The following EHD4 variants were observed in gnomAD, a reference collection of about 807,000 sequenced individuals.
EHD4 encodes EH domain containing 4.
In EHD4, 37 loss-of-function variants were observed where a neutral mutation model predicts 51.0. The ratio of observed to expected loss-of-function variants is 0.73; its 90% CI spans 0.56 to 0.95. EHD4 has a LOEUF of 0.95. EHD4 is among the 40% of genes least tolerant of loss of function. EHD4 has a pLI of 0.00. For synonymous variants in EHD4, 297 were observed against 317.3 expected, an observed-to-expected ratio of 0.94 and a Z score of 0.68; for missense variants, 632 against 733.1, an observed-to-expected ratio of 0.86 and a Z score of 1.59.
chr15:41,921,601 T>C (rs1358703946), intron 3 of EHD4: 2 of 152,216 alleles, frequency 1.3e-5, no homozygotes, highest in African/African-American at 4.8e-5. Flanking sequence ...TGGACCTGCA[T>C]GGGGACTTGC....
intron 2 of EHD4, among the ~76,000 whole-genome samples, chr15:41,951,546 C>A (rs1566825954): frequency 6.6e-6 from 1 of 152,080 alleles, no homozygotes; most frequent in Non-Finnish European, 1.5e-5. Flanking sequence ...CCTGGTTTCT[C>A]CCTTGTGAAT....
At chr15:41,917,096 C>CTTATTTATTTATTTAT (rs56087855) in intron 4 of EHD4, among the ~76,000 whole-genome samples, 141 of 141,880 alleles carry the variant, frequency 9.9e-4, no homozygotes, top group Non-Finnish European at 1.4e-3. Flanking sequence ...CTTTCTGCTC[C>CTTATTTATTTATTTAT]TTATTTATTT....
chr15:41,949,013 A>G, intron 2 of EHD4, among the ~76,000 whole-genome samples: 1 of 85,028 alleles, frequency 1.2e-5, no homozygotes, highest in African/African-American at 4.1e-5. Flanking sequence ...CAACAGAGTG[A>G]GACTATATAT....
At chr15:41,932,894 G>A (rs889612464) in intron 3 of EHD4, among the ~76,000 whole-genome samples, 7 of 152,216 alleles carry the variant, frequency 4.6e-5, no homozygotes, top group African/African-American at 1.7e-4. Flanking sequence ...GCTTGGCCGA[G>A]AGGGCCCTCT....
At chr15:41,949,899 GA>G (rs1270736817) in intron 2 of EHD4, among the ~76,000 whole-genome samples, 1 of 152,154 alleles carries the variant, frequency 6.6e-6, no homozygotes, top group Non-Finnish European at 1.5e-5. Context: ...CGTCTCAGAG[GA>G]TCCAATGCTC....
intron 5 of EHD4, among the ~76,000 whole-genome samples, chr15:41,902,828 T>C (rs2067486662): frequency 8.8e-6 from 1 of 113,716 alleles, no homozygotes; most frequent in Non-Finnish European, 1.9e-5. Context: ...TGTATGTATA[T>C]ATATACATAT....
chr15:41,943,185 G>A (rs923062672), intron 2 of EHD4, 21 bp from the exon 3 acceptor site: 2 of 1,557,826 alleles, frequency 1.3e-6, no homozygotes, highest in Admixed American at 1.9e-5. Context: ...CGGATCAAAG[G>A]AGGGGTCAGA....
rs949940093 is a variant in EHD4, at chr15:41,931,727, A to C, written c.511+11340T>G. Among the ~76,000 whole-genome samples the C allele has an allele frequency of 2.0e-4, 30 of 150,144 alleles. 1 individual carries two copies. Among genetic ancestry groups the C allele is most frequent in the Admixed American group, 2.0e-3 (30 of 15,070 alleles). ...AGTCTAGCTCTGTCACCCAGGCTGGAATGCAGTGGCGCAATCTCAGCTCAC... is the reference window on the plus strand; with the variant it reads ...AGTCTAGCTCTGTCACCCAGGCTGGCATGCAGTGGCGCAATCTCAGCTCAC... On this transcript the variant is annotated intron_variant, in intron 3 of 5. Coordinates refer to ENST00000220325, the MANE Select transcript of EHD4 (RefSeq NM_139265.4).
intron 4 of EHD4, among the ~76,000 whole-genome samples, chr15:41,913,263 C>T (rs1053222198): frequency 6.6e-6 from 1 of 152,244 alleles, no homozygotes; most frequent in Non-Finnish European, 1.5e-5. Flanking sequence ...CCAGAGATCA[C>T]TCCTGCAATT....
At chr15:41,951,776 G>C (rs1186003398) in intron 2 of EHD4, among the ~76,000 whole-genome samples, 1 of 152,210 alleles carries the variant, frequency 6.6e-6, no homozygotes, top group Non-Finnish European at 1.5e-5. Flanking sequence ...GAGATCTGGA[G>C]AGTTGACCCT....
At chr15:41,952,768 T>C (rs1487100382) in intron 2 of EHD4, among the ~76,000 whole-genome samples, 3 of 151,976 alleles carry the variant, frequency 2.0e-5, no homozygotes, top group African/African-American at 4.8e-5. Flanking sequence ...GGCGGGTGGA[T>C]CACCTGAGGT....
intron 2 of EHD4, among the ~76,000 whole-genome samples, chr15:41,944,680 G>A (rs1351215529): frequency 6.6e-6 from 1 of 152,184 alleles, no homozygotes; most frequent in Non-Finnish European, 1.5e-5. Context: ...CCTTTTGCAG[G>A]TGGAAAAGTT....
At chr15:41,934,604 TG>T (rs1398349892) in intron 3 of EHD4, among the ~76,000 whole-genome samples, 2 of 152,160 alleles carry the variant, frequency 1.3e-5, no homozygotes, top group African/African-American at 4.8e-5. Flanking sequence ...TGAGCCCCTC[TG>T]CCTGGCTGAA....
intron 4 of EHD4, among the ~76,000 whole-genome samples, chr15:41,914,635 T>G (rs1006911274): frequency 1.3e-5 from 2 of 152,004 alleles, no homozygotes; most frequent in African/African-American, 4.8e-5. Context: ...ACATCCACAG[T>G]AGCTCAGGGC....
intron 3 of EHD4, among the ~76,000 whole-genome samples, chr15:41,924,987 G>C (rs1482808773): frequency 6.6e-6 from 1 of 151,044 alleles, no homozygotes; most frequent in Non-Finnish European, 1.5e-5. Context: ...TTCAACCCAA[G>C]AGGCGGAGGC....
intron 3 of EHD4, among the ~76,000 whole-genome samples, chr15:41,934,564 A>G (rs980628699): frequency 2.6e-5 from 4 of 151,828 alleles, no homozygotes; most frequent in African/African-American, 4.8e-5. Context: ...GATCCTCTCG[A>G]CTCAGCCTCA....
intron 2 of EHD4, among the ~76,000 whole-genome samples, chr15:41,943,376 G>A (rs2067789683): frequency 1.3e-5 from 2 of 152,194 alleles, no homozygotes; most frequent in African/African-American, 2.4e-5. Context: ...GAGAACAGAT[G>A]CTGGCCCATG....
rs568337574 is a variant in EHD4 at position 41,937,882 on chromosome 15, G to A, written c.511+5185C>T. On this transcript the variant is annotated intron_variant, in intron 3 of 5. Coordinates refer to ENST00000220325, the MANE Select transcript of EHD4 (RefSeq NM_139265.4). ...GATATGGGTTGAGTAAACCTTATCC[G>A]AAAAGGTTGGGACTGGAAGTGTTTT... Among the ~76,000 whole-genome samples, 118 of 152,228 alleles carry A rather than the reference G, an allele frequency of 7.8e-4. 1 individual carries two copies. The Middle Eastern group carries it at 0.01, about 13-fold the overall frequency.
chr15:41,949,359 G>C (rs1261567980), intron 2 of EHD4, among the ~76,000 whole-genome samples: 2 of 151,798 alleles, frequency 1.3e-5, no homozygotes, highest in African/African-American at 4.8e-5. Context: ...GACAGAGCAA[G>C]ACTCCATCTC....
Sources: gnomAD v4.1 joint callset for allele counts (sites outside exome capture counted in the v4.1 genomes callset) on GRCh38, gnomAD v4.1.1 for gene constraint, MANE v1.5 for transcripts, NCBI Gene and HGNC (gene_info 2026-07-23, HGNC 2026-07-21) for gene names.